The following FARS2 variants were observed in gnomAD, a reference collection of about 807,000 sequenced individuals.
FARS2 encodes the protein phenylalanyl-tRNA synthetase 2, mitochondrial.
Under a neutral mutation model 46.4 loss-of-function variants are expected in FARS2, and 40 were observed. The observed-to-expected ratio is 0.86, with a 90% CI of 0.67 to 1.12. The LOEUF (loss-of-function observed/expected upper bound fraction) is 1.12. FARS2 is among the 50% of genes most tolerant of loss of function. FARS2 has a pLI of 0.00. For synonymous variants in FARS2, 234 were observed against 214.9 expected (o/e 1.09, Z -0.78); for missense variants, 513 against 567.9 (o/e 0.90, Z 0.98).
rs563484106 is a variant in FARS2 at position 5,764,600 on chromosome 6, A to C, written c.1218-6691A>C. 1.3e-5 allele frequency among the ~76,000 whole-genome samples: 2 copies of C among 152,200 alleles called. No individual in the cohort carries two copies. The highest frequency in any genetic ancestry group is 2.9e-5 in the Non-Finnish European group (2 of 68,040). Reference sequence around the variant, plus strand: ...TTCTCTCCCGTTGAGTAATCCCTGCATGAATAGATGGCAGCTGCAGTGACT... The same window carrying C: ...TTCTCTCCCGTTGAGTAATCCCTGCCTGAATAGATGGCAGCTGCAGTGACT... On this transcript the variant is annotated intron_variant, in intron 6 of 6. Coordinates refer to ENST00000274680, the MANE Select transcript of FARS2 (RefSeq NM_006567.5). This position sits in a 1 kb window ranked among gnomAD's most constrained non-coding sequence, Gnocchi z 4.1.
At chr6:5,563,105 A>C (rs1189632436) in intron 5 of FARS2, among the ~76,000 whole-genome samples, 1 of 152,132 alleles carries the variant, frequency 6.6e-6, no homozygotes, top group Non-Finnish European at 1.5e-5. Flanking sequence ...CTCCAAAGCC[A>C]AAAGAGGAGG....
intron 4 of FARS2, among the ~76,000 whole-genome samples, chr6:5,473,160 G>A (rs1043065813): frequency 6.6e-6 from 1 of 152,150 alleles, no homozygotes; most frequent in Non-Finnish European, 1.5e-5. Flanking sequence ...AGGAGGTTGT[G>A]ACACGAATCA....
chr6:5,633,361 C>T (rs113263992), intron 6 of FARS2, among the ~76,000 whole-genome samples: 1,691 of 149,022 alleles, frequency 0.011, 18 homozygotes, highest in Non-Finnish European at 0.018. Context: ...CTGCAACCTC[C>T]GCTTCCTGGG....
chr6:5,686,879 T>A (rs898362211), intron 6 of FARS2, among the ~76,000 whole-genome samples: 5 of 152,240 alleles, frequency 3.3e-5, no homozygotes, highest in Non-Finnish European at 7.3e-5. Flanking sequence ...TCCTGACTTT[T>A]TAATGATCGC....
chr6:5,424,765 A>T (rs927252059), intron 3 of FARS2, among the ~76,000 whole-genome samples: 1 of 152,196 alleles, frequency 6.6e-6, no homozygotes, highest in Admixed American at 6.5e-5. Flanking sequence ...CCTTGTGAAC[A>T]TATTTCCTAT....
chr6:5,420,619 T>G (rs919871306), intron 3 of FARS2, among the ~76,000 whole-genome samples: 28 of 152,324 alleles, frequency 1.8e-4, no homozygotes, highest in Middle Eastern at 3.4e-3. Flanking sequence ...TTCAACGCCA[T>G]GTCTCACATA....
intron 4 of FARS2, among the ~76,000 whole-genome samples, chr6:5,438,609 A>G (rs899998508): frequency 6.6e-6 from 1 of 151,628 alleles, no homozygotes; most frequent in African/African-American, 2.4e-5. Flanking sequence ...GTTTTTCTTT[A>G]CCTCATAGAG....
chr6:5,415,142 G>C (rs750147182), intron 3 of FARS2, among the ~76,000 whole-genome samples: 1 of 151,088 alleles, frequency 6.6e-6, no homozygotes, highest in African/African-American at 2.4e-5. Context: ...AGAAACTGTC[G>C]AACTGTTCAA....
intron 6 of FARS2, among the ~76,000 whole-genome samples, chr6:5,750,244 C>T (rs890030522): frequency 3.3e-5 from 5 of 151,534 alleles, no homozygotes; most frequent in Admixed American, 1.3e-4. Flanking sequence ...GAGGAATGAG[C>T]GGGAATTGAT....
intron 4 of FARS2, among the ~76,000 whole-genome samples, chr6:5,490,411 T>C (rs1310834547): frequency 6.6e-6 from 1 of 152,246 alleles, no homozygotes; most frequent in Non-Finnish European, 1.5e-5. Flanking sequence ...GTTTCAATAC[T>C]TAGAACTGGG....
chr6:5,319,003 G>GT (rs754328097), intron 1 of FARS2, among the ~76,000 whole-genome samples: 5 of 152,132 alleles, frequency 3.3e-5, no homozygotes, highest in Non-Finnish European at 7.3e-5. Flanking sequence ...TCAAGGAGAT[G>GT]AATAGTTAGG....
Position 5,471,243 on chromosome 6 carries a change from CT to C in FARS2, c.904+40073del, listed in dbSNP as rs1328075083. Among the ~76,000 whole-genome samples the C allele has an allele frequency of 6.6e-5, 10 of 152,156 alleles. No homozygotes were observed. The highest frequency in any genetic ancestry group is 1.5e-5 in the Non-Finnish European group (1 of 68,032). ...AATGAATTGCACGTATTAATTAAGT[CT>C]TGCCGAGGCCTTGTTAGTGATCCGG... On this transcript the variant is annotated intron_variant, in intron 4 of 6. Coordinates refer to ENST00000274680, the MANE Select transcript of FARS2 (RefSeq NM_006567.5). The surrounding 1 kb of genome is among the most constrained non-coding windows in gnomAD (Gnocchi z 4.1).
At chr6:5,556,409 C>T (rs901893346) in intron 5 of FARS2, among the ~76,000 whole-genome samples, 29 of 152,086 alleles carry the variant, frequency 1.9e-4, no homozygotes, top group Middle Eastern at 3.4e-3. Context: ...CACAGTCCTC[C>T]TGATTCTCAG....
At chr6:5,399,216 C>G (rs1419309461) in intron 2 of FARS2, among the ~76,000 whole-genome samples, 4 of 144,652 alleles carry the variant, frequency 2.8e-5, no homozygotes. Flanking sequence ...CTTTTGTTGC[C>G]CAGGCTAGAG....
chr6:5,261,052 G>C, upstream of FARS2: 7 of 766,760 alleles, frequency 9.1e-6, no homozygotes, highest in Non-Finnish European at 1.1e-5. Flanking sequence ...CCACGCGGCG[G>C]GAGGGCGGGG....
Position 5,405,480 on chromosome 6 carries a change from C to CTTTTTTTTTTTTTTT in FARS2, c.772+790_772+804dup, listed in dbSNP as rs398000284. On this transcript the variant is annotated intron_variant, in intron 3 of 6. Coordinates refer to ENST00000274680, the MANE Select transcript of FARS2 (RefSeq NM_006567.5). ...AGGACGTGATCAGTGGAGCAAGGTT[C>CTTTTTTTTTTTTTTT]TTTTTTTTTTTTTTTTTTTTTTTTT... 4.5e-3 allele frequency among the ~76,000 whole-genome samples: 266 copies of CTTTTTTTTTTTTTTT among 58,958 alleles called. 35 individuals are homozygous for CTTTTTTTTTTTTTTT. The highest frequency in any genetic ancestry group is 0.033 in the Middle Eastern group (2 of 60). The allele number at this position is 58,958 out of a possible 152,430, so 38.7% of individuals were successfully genotyped here.
intron 5 of FARS2, among the ~76,000 whole-genome samples, chr6:5,612,642 C>T (rs9328323): frequency 0.11 from 17,070 of 152,138 alleles, 1,436 homozygotes; most frequent in East Asian, 0.32. Context: ...TTTATCACAT[C>T]CTTAAAGGCA....
At chr6:5,340,185 G>A (rs1771456845) in intron 1 of FARS2, among the ~76,000 whole-genome samples, 1 of 152,178 alleles carries the variant, frequency 6.6e-6, no homozygotes, top group Admixed American at 6.5e-5. Context: ...ATGCAATGAT[G>A]AGGCCATACT....
Position 5,360,534 on chromosome 6 carries a change from C to T in FARS2, c.-21-8016C>T, listed in dbSNP as rs76444365. On this transcript the variant is annotated intron_variant, in intron 1 of 6. Transcript: ENST00000274680. Reference sequence around the variant, plus strand: ...AAAGCTAATGGGAGATAGGTTTGCCCGGTGCAGAGTTAGTTCCAGAATTTG... The same window carrying T: ...AAAGCTAATGGGAGATAGGTTTGCCTGGTGCAGAGTTAGTTCCAGAATTTG... Among the ~76,000 whole-genome samples, 133 of 152,284 alleles carry T rather than the reference C, an allele frequency of 8.7e-4. 1 individual carries two copies. The East Asian group carries it at 0.013, about 15-fold the overall frequency.
Sources: gnomAD v4.1 joint callset for allele counts (sites outside exome capture counted in the v4.1 genomes callset) on GRCh38, gnomAD v4.1.1 for gene constraint, Gnocchi (gnomAD v3.1) non-coding constraint, MANE v1.5 for transcripts, NCBI Gene and HGNC (gene_info 2026-07-23, HGNC 2026-07-21) for gene names.